LLGL1: variants seen among roughly 807,000 people sequenced by gnomAD.
The protein encoded by LLGL1 is LLGL scribble cell polarity complex component 1, also known as lethal(2) giant larvae protein homolog 1.
LLGL1 carries 58 observed loss-of-function variants against 110.6 expected under a neutral mutation model. That is an observed-to-expected ratio of 0.52 (90% confidence interval 0.42 to 0.65). The LOEUF is 0.65. Ranked by LOEUF, LLGL1 falls within the 30% of genes least tolerant of loss-of-function variation. The pLI is 0.00. For missense variants in LLGL1, 1,229 were observed against 1,462.1 expected (o/e 0.84, Z 2.60); for synonymous variants, 674 against 607.2 (o/e 1.11, Z -1.62).
At chr17:18,242,409 C>A in intron 20 of LLGL1, 99 bp from the exon 21 acceptor site, 1 of 1,566,830 alleles carries the variant, frequency 6.4e-7, no homozygotes, top group Middle Eastern at 1.7e-4. Context: ...ACTGGTGCCA[C>A]CCCTCACCAT....
In LLGL1 at chr17:18,242,296, G is replaced by T; in HGVS notation, c.2995+18G>T. The T allele has an allele frequency of 6.2e-7, 1 of 1,604,730 alleles. No individual in the cohort carries two copies. Among genetic ancestry groups the T allele is most frequent in the Non-Finnish European group, 8.5e-7 (1 of 1,171,810 alleles). On this transcript the variant is annotated intron_variant, in intron 20 of 22. Coordinates refer to ENST00000316843, the MANE Select transcript of LLGL1 (RefSeq NM_004140.4). Reference sequence around the variant, plus strand: ...GGGACCTGGTGAGGGGGGCATGAAAGGGGTCCAGACCCTGGCCCCACGGTG... The same window carrying T: ...GGGACCTGGTGAGGGGGGCATGAAATGGGTCCAGACCCTGGCCCCACGGTG...
rs1189746287 is a variant in LLGL1, at chr17:18,244,594, A to AAAC, written c.*689_*691dup. 3 of 152,008 alleles carry AAAC rather than the reference A, an allele frequency of 2.0e-5. No homozygotes were observed. Among genetic ancestry groups the AAAC allele is most frequent in the African/African-American group, 7.3e-5 (3 of 41,260 alleles). The allele number at this position is 152,008 out of a possible 1,614,324, so 9.4% of individuals were successfully genotyped here. ...GGGCTGGACAGTTGTTTCTAAAACT[A>AAAC]AACTATTTTGGTACCTGCTTCTGGG... is the stretch of plus-strand genomic sequence containing the variant. On this transcript the variant is annotated 3_prime_UTR_variant, in exon 23 of 23. Transcript: ENST00000316843.
At position 18,238,596 on chromosome 17, in the gene LLGL1, A is replaced by C. The variant is rs372871003; in HGVS notation, c.2193A>C (p.Thr731=). ...GVVRCLYFAD[T]FLRDGAHHGP... ...TGCGTTGCCTATACTTTGCCGACAC[A>C]TTCCTTCGAGATGGTAAGGCAGGGG... is the stretch of plus-strand genomic sequence containing the variant. Residue 731 remains threonine, a synonymous_variant, in exon 16 of 23, where the codon ACA becomes ACC. Coordinates refer to ENST00000316843, the MANE Select transcript of LLGL1 (RefSeq NM_004140.4). 8.1e-6 allele frequency: 13 copies of C among 1,612,062 alleles called. No individual in the cohort carries two copies. In the South Asian group the frequency reaches 1.4e-4, roughly 18 times the overall value.
rs759528227 is a variant in LLGL1 at position 18,242,480 on chromosome 17, G to A, written c.2996-28G>A. 6 of 1,613,418 alleles carry A rather than the reference G, an allele frequency of 3.7e-6. No individual in the cohort carries two copies. In the South Asian group the frequency reaches 6.6e-5, roughly 18 times the overall value. ...GGTGCAGAGGGTGCTAAGGGTCCTG[G>A]TAGGGGCTGATGACTTGCTCCCTGT... On this transcript the variant is annotated intron_variant, in intron 20 of 22. Coordinates refer to ENST00000316843, the MANE Select transcript of LLGL1 (RefSeq NM_004140.4).
At chr17:18,238,035 C>G (rs1345386812) in intron 14 of LLGL1, 32 bp from the exon 15 acceptor site, 9 of 1,610,744 alleles carry the variant, frequency 5.6e-6, no homozygotes, top group African/African-American at 5.3e-5. Flanking sequence ...GGAGGCTGCT[C>G]TATAGCACGA....
Position 18,242,285 on chromosome 17 carries a change from G to A in LLGL1, c.2995+7G>A. Reference sequence around the variant, plus strand: ...GCCCACAGCATGGGACCTGGTGAGGGGGGCATGAAAGGGGTCCAGACCCTG... The same window carrying A: ...GCCCACAGCATGGGACCTGGTGAGGAGGGCATGAAAGGGGTCCAGACCCTG... On this transcript the variant is annotated splice_region_variant and intron_variant, in intron 20 of 22. Coordinates refer to ENST00000316843, the MANE Select transcript of LLGL1 (RefSeq NM_004140.4). The A allele has an allele frequency of 6.2e-7, 1 of 1,612,010 alleles. No individual in the cohort carries two copies. The highest frequency in any genetic ancestry group is 1.1e-5 in the South Asian group (1 of 91,046).
In LLGL1 at chr17:18,238,193, G is replaced by A; in HGVS notation, c.2031G>A (p.Arg677=). 6.2e-7 allele frequency: 1 copy of A among 1,612,026 alleles called. No homozygotes were observed. The highest frequency in any genetic ancestry group is 1.1e-5 in the South Asian group (1 of 91,082). ...AGAGTCGTGTCTCTGGCAAGAAGCG[G>A]GCTGCTAATGCCAGCAGCAAGGTGA... ...IRKSRVSGKK[R]AANASSKLQE... Residue 677 remains arginine (R), a synonymous_variant, in exon 15 of 23, where the codon CGG becomes CGA. Transcript: ENST00000316843.
intron 10 of LLGL1, 22 bp from the exon 11 acceptor site, chr17:18,235,448 C>T (rs1232594237): frequency 6.2e-7 from 1 of 1,613,892 alleles, no homozygotes; most frequent in Non-Finnish European, 8.5e-7. Flanking sequence ...CTTGTGCATA[C>T]ATCTCTGCCA....
intron 13 of LLGL1, chr17:18,237,249 C>A: frequency 1.7e-6 from 1 of 598,490 alleles, no homozygotes; most frequent in Non-Finnish European, 3.0e-6. Context: ...GGACACTTTG[C>A]CCTCAGAGGG....
In LLGL1 at chr17:18,240,295, C is replaced by T. The variant is rs1002654583; in HGVS notation, c.2207-283C>T. On this transcript the variant is annotated intron_variant, in intron 16 of 22. Transcript: ENST00000316843. The surrounding 1 kb of genome is among the most constrained non-coding windows in gnomAD (Gnocchi z 5.3). Reference sequence around the variant, plus strand: ...CTGGAGGTCTGGTTTGGGTGCCCATCAGCATTCTGTGCAGATGCGCTACAG... The same window carrying T: ...CTGGAGGTCTGGTTTGGGTGCCCATTAGCATTCTGTGCAGATGCGCTACAG... Among the ~76,000 whole-genome samples, 10 of 152,074 alleles carry T rather than the reference C, an allele frequency of 6.6e-5. No individual in the cohort carries two copies. The highest frequency in any genetic ancestry group is 3.9e-4 in the Admixed American group (6 of 15,272).
intron 17 of LLGL1, chr17:18,241,123 G>GCTC: frequency 1.7e-6 from 1 of 584,734 alleles, no homozygotes. Flanking sequence ...GCCACACAAG[G>GCTC]CTCCTGTACT....
At chr17:18,243,086 A>T (rs2047884546) in intron 22 of LLGL1, among the ~76,000 whole-genome samples, 1 of 148,252 alleles carries the variant, frequency 6.7e-6, no homozygotes. Context: ...TTAGGACAAG[A>T]CCAGATTTGT....
In LLGL1 at chr17:18,242,297, G is replaced by A; in HGVS notation, c.2995+19G>A. The A allele has an allele frequency of 6.2e-7, 1 of 1,604,856 alleles. No homozygotes were observed. Among genetic ancestry groups the A allele is most frequent in the South Asian group, 1.1e-5 (1 of 90,902 alleles). ...GGACCTGGTGAGGGGGGCATGAAAG[G>A]GGTCCAGACCCTGGCCCCACGGTGC... On this transcript the variant is annotated intron_variant, in intron 20 of 22. Coordinates refer to ENST00000316843, the MANE Select transcript of LLGL1 (RefSeq NM_004140.4).
At position 18,236,623 on chromosome 17, in the gene LLGL1, G is replaced by C; in HGVS notation, c.1369G>C (p.Val457Leu). 1 of 1,612,182 alleles carries C rather than the reference G, an allele frequency of 6.2e-7. No homozygotes were observed. The highest frequency in any genetic ancestry group is 8.5e-7 in the Non-Finnish European group (1 of 1,179,398). The change falls in exon 12 of 23, where the codon GTG becomes CTG. Residue 457 changes from valine to leucine, a missense_variant. Transcript: ENST00000316843. ...LLLTGHEDGT[V>L]RFWDASGVAL... ...TCCCTGCAGCCATGAGGACGGCACCGTGAGGTTCTGGGATGCCTCGGGTGT... is the reference window on the plus strand; with the variant it reads ...TCCCTGCAGCCATGAGGACGGCACCCTGAGGTTCTGGGATGCCTCGGGTGT...
At chr17:18,231,972 T>C (rs1450793910) in intron 2 of LLGL1, among the ~76,000 whole-genome samples, 1 of 152,232 alleles carries the variant, frequency 6.6e-6, no homozygotes, top group Non-Finnish European at 1.5e-5. Flanking sequence ...TGGGTTTTCT[T>C]ACCCATGGCT....
At chr17:18,225,843 A>C (rs1260628571) in intron 1 of LLGL1, 80 bp downstream of exon 1, 23 of 455,748 alleles carry the variant, frequency 5.0e-5, no homozygotes, top group African/African-American at 3.8e-4. Flanking sequence ...GGTCGGAGCC[A>C]CGTCGGGCCC....
chr17:18,242,891 C>T (rs565346131), intron 22 of LLGL1, 69 bp downstream of exon 22: 11 of 1,410,756 alleles, frequency 7.8e-6, no homozygotes, highest in Non-Finnish European at 1.0e-5. Context: ...GTCTGGGTAC[C>T]ATTTGGCCCT....
chr17:18,244,621 C>T lies in LLGL1; in HGVS notation c.*715C>T, dbSNP rs2047943099. ...ACTATTTTGGTACCTGCTTCTGGGCCAGTCCCCAGCCTGTCATGAGTGTGT... is the reference window on the plus strand; with the variant it reads ...ACTATTTTGGTACCTGCTTCTGGGCTAGTCCCCAGCCTGTCATGAGTGTGT... On this transcript the variant is annotated 3_prime_UTR_variant, in exon 23 of 23. Coordinates refer to ENST00000316843, the MANE Select transcript of LLGL1 (RefSeq NM_004140.4). 1 of 152,968 alleles carries T rather than the reference C, an allele frequency of 6.5e-6. No homozygotes were observed. Among genetic ancestry groups the T allele is most frequent in the Non-Finnish European group, 1.4e-5 (1 of 69,430 alleles). The allele number at this position is 152,968 out of a possible 1,614,324, so 9.5% of individuals were successfully genotyped here.
Position 18,232,879 on chromosome 17 carries a change from G to A in LLGL1, c.392+77G>A, listed in dbSNP as rs181495141. The A allele has an allele frequency of 1.8e-5, 28 of 1,587,108 alleles. No individual in the cohort carries two copies. The East Asian group carries it at 6.0e-4, about 34-fold the overall frequency. ...AGGCTGTGGGAACCTGCTGTGCAAAGGCAGCATGGAGATGGGCAGCGGTTC... is the reference window on the plus strand; with the variant it reads ...AGGCTGTGGGAACCTGCTGTGCAAAAGCAGCATGGAGATGGGCAGCGGTTC... On this transcript the variant is annotated intron_variant, in intron 4 of 22. Transcript: ENST00000316843.
Sources: allele counts gnomAD v4.1 joint callset (sites outside exome capture counted in the v4.1 genomes callset), GRCh38; gene constraint gnomAD v4.1.1; non-coding constraint Gnocchi (gnomAD v3.1); transcripts MANE v1.5; gene names NCBI Gene and HGNC (gene_info 2026-07-23, HGNC 2026-07-21).